Variants in TLN2 observed in about 807,000 individuals in gnomAD.
TLN2 encodes the protein talin-2.
In TLN2, 118 loss-of-function variants were observed where a neutral mutation model predicts 294.7. That is an observed-to-expected ratio of 0.40 (90% confidence interval 0.34 to 0.47). The LOEUF is 0.47. Among genes scored for constraint, TLN2 ranks in the 20% least tolerant of loss-of-function variants. The pLI is 0.84. For synonymous variants in TLN2, 1,431 were observed against 1,304.5 expected (o/e 1.10, Z -2.09); for missense variants, 3,083 against 3,282.2 (o/e 0.94, Z 1.48).
intron 2 of TLN2, among the ~76,000 whole-genome samples, chr15:62,599,852 T>A (rs537872687): frequency 6.6e-6 from 1 of 152,090 alleles, no homozygotes; most frequent in Non-Finnish European, 1.5e-5. Flanking sequence ...GCCACTCTTG[T>A]CAGAAGTTTG....
At chr15:62,584,020 C>A (rs974655437) in intron 1 of TLN2, among the ~76,000 whole-genome samples, 1 of 152,128 alleles carries the variant, frequency 6.6e-6, no homozygotes, top group Admixed American at 6.5e-5. Flanking sequence ...ATTGTTGGCA[C>A]CATTACCTGA....
intron 43 of TLN2, among the ~76,000 whole-genome samples, chr15:62,778,542 G>C (rs981065752): frequency 1.3e-5 from 2 of 152,240 alleles, no homozygotes; most frequent in Non-Finnish European, 1.5e-5. Flanking sequence ...ATAAATCCTA[G>C]GAAGATGGAC....
intron 1 of TLN2, among the ~76,000 whole-genome samples, chr15:62,496,992 C>T (rs1320851439): frequency 6.6e-6 from 1 of 152,176 alleles, no homozygotes; most frequent in East Asian, 1.9e-4. Context: ...GCCTCCCTCC[C>T]CTCAGATGGA....
chr15:62,540,356 C>CAAACT (rs1555425690), intron 1 of TLN2, among the ~76,000 whole-genome samples: 1 of 138,264 alleles, frequency 7.2e-6, no homozygotes, highest in Non-Finnish European at 1.5e-5. Flanking sequence ...AATAAATAAA[C>CAAACT]TTTTTTTTTT....
At chr15:62,520,048 A>G (rs2040381484) in intron 1 of TLN2, among the ~76,000 whole-genome samples, 1 of 152,260 alleles carries the variant, frequency 6.6e-6, no homozygotes, top group Non-Finnish European at 1.5e-5. Flanking sequence ...GTTTCCCCTT[A>G]TAAAACCATC....
intron 1 of TLN2, among the ~76,000 whole-genome samples, chr15:62,483,242 G>T (rs555393862): frequency 6.6e-6 from 1 of 152,304 alleles, no homozygotes; most frequent in East Asian, 1.9e-4. Context: ...ATCTCTGGCA[G>T]ATCTTGCATT....
intron 2 of TLN2, among the ~76,000 whole-genome samples, chr15:62,593,049 C>T (rs1223823297): frequency 1.3e-5 from 2 of 152,088 alleles, no homozygotes; most frequent in East Asian, 1.9e-4. Context: ...ATTTTTAGTT[C>T]CCACTGCTAT....
Position 62,843,134 on chromosome 15 carries a change from C to T in TLN2, c.*2524C>T, listed in dbSNP as rs139081359. On this transcript the variant is annotated 3_prime_UTR_variant, in exon 59 of 59. Transcript: ENST00000636159. ...GAGAGTGGTGTCAGAGTAAAAACGG[C>T]CCCAGGTCTGGAGCATAGAAGTGTA... is the stretch of plus-strand genomic sequence containing the variant. The T allele has an allele frequency of 6.6e-6, 1 of 152,234 alleles. No homozygotes were observed. Among genetic ancestry groups the T allele is most frequent in the East Asian group, 1.9e-4 (1 of 5,174 alleles). The allele number at this position is 152,234 out of a possible 1,614,324, so 9.4% of individuals were successfully genotyped here.
chr15:62,750,360 A>G (rs377387090), intron 33 of TLN2, 42 bp from the exon 34 acceptor site: 10 of 1,549,552 alleles, frequency 6.5e-6, no homozygotes, highest in African/African-American at 5.4e-5. Context: ...CTTTTGCTCT[A>G]TGACATTTGC....
intron 1 of TLN2, among the ~76,000 whole-genome samples, chr15:62,393,398 G>A (rs916653398): frequency 6.6e-6 from 1 of 152,284 alleles, no homozygotes. Context: ...ACTCATTCAG[G>A]TTTTTCCAAA....
intron 4 of TLN2, 75 bp downstream of exon 4, chr15:62,647,521 G>A: frequency 6.3e-7 from 1 of 1,596,782 alleles, no homozygotes. Flanking sequence ...AGAGACAGAG[G>A]CTCCAAGTGG....
At chr15:62,572,157 C>T (rs999673696) in intron 1 of TLN2, among the ~76,000 whole-genome samples, 5 of 152,298 alleles carry the variant, frequency 3.3e-5, no homozygotes, top group African/African-American at 9.6e-5. Flanking sequence ...GGGCAATGCT[C>T]AACTGGTGGG....
chr15:62,785,813 T>C (rs1379233987), intron 45 of TLN2, among the ~76,000 whole-genome samples: 16 of 152,144 alleles, frequency 1.1e-4, no homozygotes, highest in Non-Finnish European at 4.4e-5. Flanking sequence ...TCTTGTAAGC[T>C]ACCCACCCAA....
intron 1 of TLN2, among the ~76,000 whole-genome samples, chr15:62,550,021 G>GT (rs2042208876): frequency 6.6e-6 from 1 of 152,160 alleles, no homozygotes; most frequent in Non-Finnish European, 1.5e-5. Flanking sequence ...GATCCAAGGA[G>GT]TACCAGTCTG....
chr15:62,813,146 C>T (rs1013478314), intron 52 of TLN2, among the ~76,000 whole-genome samples: 2 of 152,206 alleles, frequency 1.3e-5, no homozygotes, highest in Non-Finnish European at 2.9e-5. Flanking sequence ...TGTGGCCAGA[C>T]GTGCTTCTCT....
chr15:62,777,826 A>C (rs1188854850), intron 43 of TLN2, among the ~76,000 whole-genome samples: 2 of 152,228 alleles, frequency 1.3e-5, no homozygotes, highest in Non-Finnish European at 2.9e-5. Flanking sequence ...TCAGATCATT[A>C]GGGTGACATG....
intron 2 of TLN2, among the ~76,000 whole-genome samples, chr15:62,615,314 C>T (rs1036847978): frequency 6.6e-6 from 1 of 152,176 alleles, no homozygotes; most frequent in Non-Finnish European, 1.5e-5. Context: ...TCTTTTTGCA[C>T]TCATACTTCT....
At chr15:62,713,184 T>G (rs1263507582) in intron 22 of TLN2, among the ~76,000 whole-genome samples, 1 of 148,338 alleles carries the variant, frequency 6.7e-6, no homozygotes, top group Admixed American at 6.8e-5. Context: ...CAGGAGAAAA[T>G]TGTTTGAACC....
rs3055852 is a variant in TLN2 at position 62,815,177 on chromosome 15, T to TCACA, written c.6772-4287_6772-4284dup. 3.6e-3 allele frequency among the ~76,000 whole-genome samples: 509 copies of TCACA among 140,624 alleles called. 3 individuals are homozygous for TCACA. The highest frequency in any genetic ancestry group is 9.9e-3 in the Admixed American group (139 of 14,066). The allele number at this position is 140,624 out of a possible 152,430, so 92.3% of individuals were successfully genotyped here. On this transcript the variant is annotated intron_variant, in intron 52 of 58. Coordinates refer to ENST00000636159, the MANE Select transcript of TLN2 (RefSeq NM_015059.3). The stretch of plus-strand genomic sequence containing the variant: ...AAACTGGAGATTTTTATTCTGTCTG[T>TCACA]CACACACACACACACACACACACAC...
Sources: allele counts gnomAD v4.1 joint callset (sites outside exome capture counted in the v4.1 genomes callset), GRCh38; gene constraint gnomAD v4.1.1; transcripts MANE v1.5; gene names NCBI Gene and HGNC (gene_info 2026-07-23, HGNC 2026-07-21).